IL1RN: variants seen among roughly 807,000 people sequenced by gnomAD.
IL1RN encodes the protein interleukin 1 receptor antagonist.
A neutral mutation model predicts 13.7 loss-of-function variants in IL1RN; 10 were observed. The observed-to-expected ratio is 0.73, with a 90% CI of 0.45 to 1.24. IL1RN has a LOEUF of 1.24. IL1RN is among the 50% of genes most tolerant of loss of function. IL1RN has a pLI of 0.00. For missense variants in IL1RN, 213 were observed against 222.1 expected (o/e 0.96, Z 0.26); for synonymous variants, 102 against 82.7 (o/e 1.23, Z -1.27).
In IL1RN at chr2:113,129,605, A is replaced by G. The variant is rs1687087705; in HGVS notation, c.146A>G (p.Tyr49Cys). The change falls in exon 2 of 4, where the codon TAT (tyrosine) becomes TGT (cysteine). Residue 49 changes from tyrosine (Y) to cysteine (C), a missense_variant. Transcript: ENST00000409930. Reference protein sequence around the residue: ...RIWDVNQKTFYLRNNQLVAGY... With the variant: ...RIWDVNQKTFCLRNNQLVAGY... Reference sequence around the variant, plus strand: ...TGGGATGTTAACCAGAAGACCTTCTATCTGAGGAACAACCAACTAGTTGCT... The same window carrying G: ...TGGGATGTTAACCAGAAGACCTTCTGTCTGAGGAACAACCAACTAGTTGCT... 2 of 1,612,422 alleles carry G rather than the reference A, an allele frequency of 1.2e-6. No homozygotes were observed. The highest frequency in any genetic ancestry group is 1.7e-6 in the Non-Finnish European group (2 of 1,178,360).
intron 1 of IL1RN, among the ~76,000 whole-genome samples, chr2:113,118,795 G>A (rs1490751799): frequency 1.3e-5 from 2 of 152,192 alleles, no homozygotes. Context: ...CCAGCATTTT[G>A]GGAGGCCAAG....
chr2:113,129,469 A>C (rs1687081235), intron 1 of IL1RN, 107 bp from the exon 2 acceptor site: 1 of 781,378 alleles, frequency 1.3e-6, no homozygotes, highest in Non-Finnish European at 2.4e-6. Context: ...TACCCCTGGA[A>C]GAGCTGGATG....
intron 2 of IL1RN, among the ~76,000 whole-genome samples, chr2:113,121,153 G>C (rs925960633): frequency 1.1e-4 from 12 of 105,624 alleles, no homozygotes; most frequent in African/African-American, 3.9e-4. Context: ...CTTCGTCTTC[G>C]TCTTCTTTTT....
chr2:113,129,735 G>A, intron 2 of IL1RN, 71 bp downstream of exon 2: 1 of 979,724 alleles, frequency 1.0e-6, no homozygotes, highest in Non-Finnish European at 1.7e-6. Flanking sequence ...GCAGCAGCAT[G>A]GCCTGCCTGC....
At chr2:113,128,485 G>A (rs184788410) in intron 1 of IL1RN, among the ~76,000 whole-genome samples, 1 of 152,158 alleles carries the variant, frequency 6.6e-6, no homozygotes, top group Non-Finnish European at 1.5e-5. Flanking sequence ...CTCTGTGGGT[G>A]TATGAGTGAC....
chr2:113,121,553 G>A (rs188390934), intron 2 of IL1RN: 1 of 985,442 alleles, frequency 1.0e-6, no homozygotes, highest in African/African-American at 1.7e-5. Flanking sequence ...CAGATTCATA[G>A]CTAACCCATA....
At chr2:113,124,611 G>A (rs980446745), upstream of IL1RN, among the ~76,000 whole-genome samples, 3 of 152,094 alleles carry the variant, frequency 2.0e-5, no homozygotes, top group African/African-American at 4.8e-5. Context: ...CAAAAGCCAC[G>A]GTGTGAGTAT....
chr2:113,104,395 C>A (rs1686357993), upstream of IL1RN, among the ~76,000 whole-genome samples: 1 of 152,022 alleles, frequency 6.6e-6, no homozygotes, highest in South Asian at 2.1e-4. Flanking sequence ...TGACTGTTGG[C>A]CCAGTGAGGG....
Position 113,132,944 on chromosome 2 carries a change from G to A in IL1RN, c.*73G>A, listed in dbSNP as rs1687227851. On this transcript the variant is annotated 3_prime_UTR_variant, in exon 4 of 4. Transcript: ENST00000409930. ...GGGACTGCCAGTCCCCCTGCCCCAG[G>A]GCTCCCGGCTATGGGGGCACTGAGG... 3 of 1,449,870 alleles carry A rather than the reference G, an allele frequency of 2.1e-6. No individual in the cohort carries two copies. Among genetic ancestry groups the A allele is most frequent in the Non-Finnish European group, 2.9e-6 (3 of 1,032,158 alleles). The allele number at this position is 1,449,870 out of a possible 1,614,324, so 89.8% of individuals were successfully genotyped here.
Position 113,127,636 on chromosome 2 carries a change from C to T in IL1RN, c.12C>T (p.Cys4=). The stretch of plus-strand genomic sequence containing the variant: ...GCTGCAGTCACAGAATGGAAATCTG[C>T]AGAGGCCTCCGCAGTCACCTAATCA... MEI[C]RGLRSHLITL... The change falls in exon 1 of 4, where the codon TGC becomes TGT. Residue 4 remains cysteine (C), a synonymous_variant. Coordinates refer to ENST00000409930, the MANE Select transcript of IL1RN (RefSeq NM_173842.3). 1 of 1,614,022 alleles carries T rather than the reference C, an allele frequency of 6.2e-7. No individual in the cohort carries two copies. Among genetic ancestry groups the T allele is most frequent in the Non-Finnish European group, 8.5e-7 (1 of 1,179,954 alleles).
intron 2 of IL1RN, among the ~76,000 whole-genome samples, chr2:113,121,946 T>C (rs1686795678): frequency 6.6e-6 from 1 of 152,274 alleles, no homozygotes; most frequent in South Asian, 2.1e-4. Flanking sequence ...TGTTTCTTTC[T>C]CTTCTTTGTA....
At chr2:113,121,501 G>A (rs972183650) in intron 2 of IL1RN, 17 of 985,230 alleles carry the variant, frequency 1.7e-5, no homozygotes, top group South Asian at 9.4e-5. Context: ...AGCATGTACC[G>A]CTGAAAACAC....
chr2:113,103,790 T>C (rs1453733366), upstream of IL1RN, among the ~76,000 whole-genome samples: 1 of 152,116 alleles, frequency 6.6e-6, no homozygotes, highest in Non-Finnish European at 1.5e-5. Context: ...GGGAAGGTGA[T>C]GGATTCTGTT....
the IL1RN span, among the ~76,000 whole-genome samples, chr2:113,099,427 G>A: frequency 6.6e-6 from 1 of 152,248 alleles, no homozygotes; most frequent in African/African-American, 2.4e-5. Flanking sequence ...ACAGCAATGA[G>A]TTTACTTCCA....
At chr2:113,114,987 C>CCAA (rs1157259175), upstream of IL1RN, among the ~76,000 whole-genome samples, 4 of 152,066 alleles carry the variant, frequency 2.6e-5, no homozygotes, top group African/African-American at 9.7e-5. Context: ...GTTCAGGGAA[C>CCAA]AAGAGGGGCT....
the IL1RN span, among the ~76,000 whole-genome samples, chr2:113,099,915 T>G: frequency 7.0e-6 from 1 of 143,696 alleles, no homozygotes; most frequent in Non-Finnish European, 1.5e-5. Flanking sequence ...TTTGTATTTT[T>G]AGTAGAGACG....
the IL1RN span, among the ~76,000 whole-genome samples, chr2:113,100,300 C>T: frequency 7.4e-4 from 107 of 145,388 alleles, no homozygotes; most frequent in African/African-American, 2.6e-3. Context: ...CACTCCAGCC[C>T]GGGCGACAGA....
chr2:113,102,797 AG>A (rs891691398), upstream of IL1RN, among the ~76,000 whole-genome samples: 61 of 152,176 alleles, frequency 4.0e-4, no homozygotes, highest in African/African-American at 1.5e-3. Context: ...CGCTCAGTTA[AG>A]GTGGGGCAGG....
upstream of IL1RN, among the ~76,000 whole-genome samples, chr2:113,105,369 T>C (rs902184749): frequency 2.6e-5 from 4 of 152,174 alleles, no homozygotes; most frequent in Admixed American, 6.5e-5. Context: ...AACACAAATG[T>C]TTGGGCTTAC....
Sources: gnomAD v4.1 joint callset for allele counts (sites outside exome capture counted in the v4.1 genomes callset) on GRCh38, gnomAD v4.1.1 for gene constraint, MANE v1.5 for transcripts, NCBI Gene and HGNC (gene_info 2026-07-23, HGNC 2026-07-21) for gene names.